The following PCDHGA1 variants were observed in gnomAD, a reference collection of about 807,000 sequenced individuals.
PCDHGA1 encodes the protein protocadherin gamma subfamily A, 1, also known as protocadherin gamma-A1.
PCDHGA1 carries 32 observed loss-of-function variants against 58.0 expected under a neutral mutation model. That is an observed-to-expected ratio of 0.55 (90% CI 0.42 to 0.74). The LOEUF is 0.74. PCDHGA1 is among the 30% of genes least tolerant of loss of function. PCDHGA1 has a pLI of 0.00. For synonymous variants in PCDHGA1, 498 were observed against 501.1 expected, an observed-to-expected ratio of 0.99 and a Z score of 0.08; for missense variants, 1,205 against 1,182.3, an observed-to-expected ratio of 1.02 and a Z score of -0.28.
rs751809555 is a variant in PCDHGA1 at position 141,340,163 on chromosome 5, G to A, written c.2421+7058G>A. The A allele has an allele frequency of 4.3e-6, 7 of 1,614,176 alleles. No homozygotes were observed. In the African/African-American group the frequency reaches 6.7e-5, roughly 15 times the overall value. On this transcript the variant is annotated intron_variant, in intron 1 of 3. Transcript: ENST00000517417. ...TCTTCCTTTTAAGTTAGAAAAGTCA[G>A]TAGACAATTACTACCGACTGGTTAC...
At chr5:141,413,082 A>T in intron 1 of PCDHGA1, 8 of 1,344,446 alleles carry the variant, frequency 6.0e-6, no homozygotes, top group Non-Finnish European at 8.1e-6. Context: ...CCCAGGCTAC[A>T]GAGACACCCT....
chr5:141,374,326 C>A, intron 1 of PCDHGA1: 1 of 1,613,980 alleles, frequency 6.2e-7, no homozygotes, highest in Non-Finnish European at 8.5e-7. Context: ...ATCCGCGAAA[C>A]GGCAGCTTGG....
intron 1 of PCDHGA1, chr5:141,392,852 G>C: frequency 6.2e-7 from 1 of 1,611,984 alleles, no homozygotes; most frequent in East Asian, 2.2e-5. Flanking sequence ...GCGGCGAGCT[G>C]ATCCTGCTGT....
At chr5:141,400,668 G>A in intron 1 of PCDHGA1, 3 of 970,702 alleles carry the variant, frequency 3.1e-6, no homozygotes, top group Non-Finnish European at 4.6e-6. Context: ...TCTTTAAGAG[G>A]AGCAGTAAAT....
At chr5:141,358,140 A>G (rs1292442005) in intron 1 of PCDHGA1, among the ~76,000 whole-genome samples, 1 of 152,232 alleles carries the variant, frequency 6.6e-6, no homozygotes. Flanking sequence ...CAATGAGCTG[A>G]GATCATGACA....
At chr5:141,450,627 C>T (rs947866993) in intron 1 of PCDHGA1, among the ~76,000 whole-genome samples, 13 of 151,592 alleles carry the variant, frequency 8.6e-5, no homozygotes, top group African/African-American at 3.2e-4. Context: ...GCTGGGATTA[C>T]AGATGCCTGC....
intron 2 of PCDHGA1, among the ~76,000 whole-genome samples, chr5:141,495,296 T>TCCTCCAGAG (rs998633800): frequency 1.3e-5 from 2 of 152,054 alleles, no homozygotes; most frequent in Non-Finnish European, 2.9e-5. Flanking sequence ...ACTCAGCGCC[T>TCCTCCAGAG]CCTCCAGAGC....
rs894886972 is a variant in PCDHGA1, at chr5:141,332,094, C to T, written c.1410C>T (p.Ser470=). The change falls in exon 1 of 4, where the codon TCC becomes TCT. Residue 470 remains serine (S), a synonymous_variant. Coordinates refer to ENST00000517417, the MANE Select transcript of PCDHGA1 (RefSeq NM_018912.3). This position sits in a 1 kb window ranked among gnomAD's most constrained non-coding sequence, Gnocchi z 4.6. The part of the protein sequence containing the change: ...YIPENNPRGA[S]IFSVRAHDLD... ...CCGAAAACAACCCCAGAGGAGCCTC[C>T]ATCTTCTCTGTGAGGGCCCACGACT... 5 of 1,614,164 alleles carry T rather than the reference C, an allele frequency of 3.1e-6. No individual in the cohort carries two copies. The highest frequency in any genetic ancestry group is 1.6e-4 in the Middle Eastern group (1 of 6,062).
chr5:141,414,540 C>G, intron 1 of PCDHGA1: 1 of 1,613,948 alleles, frequency 6.2e-7, no homozygotes. Flanking sequence ...ACCCACCTAC[C>G]TTCTCTCAAG....
intron 1 of PCDHGA1, among the ~76,000 whole-genome samples, chr5:141,454,703 A>C (rs933041937): frequency 1.3e-5 from 2 of 150,198 alleles, no homozygotes; most frequent in African/African-American, 4.9e-5. Flanking sequence ...ACCATGCTCC[A>C]CCTGCTTATT....
At chr5:141,454,824 T>C (rs1231148585) in intron 1 of PCDHGA1, among the ~76,000 whole-genome samples, 1 of 127,218 alleles carries the variant, frequency 7.9e-6, no homozygotes, top group African/African-American at 3.3e-5. Flanking sequence ...TTTTTTTTTT[T>C]TGAGACAGAG....
chr5:141,400,302 T>C (rs7701363), intron 1 of PCDHGA1: 17,655 of 1,614,082 alleles, frequency 0.011, 144 homozygotes, highest in Admixed American at 0.034. Flanking sequence ...GCTTCCAACC[T>C]GGTCTCTGTG....
In PCDHGA1 at chr5:141,364,376, C is replaced by T. The variant is rs574883395; in HGVS notation, c.2421+31271C>T. 8.9e-6 allele frequency: 14 copies of T among 1,575,320 alleles called. No individual in the cohort carries two copies. The African/African-American group carries it at 1.4e-4, about 15-fold the overall frequency. ...CTGGGGCTGCGGAGAGCTGCTGCTG[C>T]CCTTCATGCTCCTGGGGACGCTGTG... On this transcript the variant is annotated intron_variant, in intron 1 of 3. Transcript: ENST00000517417.
intron 1 of PCDHGA1, among the ~76,000 whole-genome samples, chr5:141,453,061 T>G (rs1351911724): frequency 6.6e-6 from 1 of 152,102 alleles, no homozygotes; most frequent in Non-Finnish European, 1.5e-5. Context: ...AGTTTTAGAG[T>G]TTTGCCACAC....
rs778960850 is a variant in PCDHGA1, at chr5:141,389,261, G to A, written c.2421+56156G>A. 2.0e-5 allele frequency: 32 copies of A among 1,613,890 alleles called. No homozygotes were observed. The East Asian group carries it at 7.1e-4, about 36-fold the overall frequency. ...CACAGTCTTCCTATATAGTCCACGT[G>A]GCCGAGAACAACCCGCCTGGAGCCT... On this transcript the variant is annotated intron_variant, in intron 1 of 3. Coordinates refer to ENST00000517417, the MANE Select transcript of PCDHGA1 (RefSeq NM_018912.3).
chr5:141,380,834 G>A (rs559775684), intron 1 of PCDHGA1, among the ~76,000 whole-genome samples: 114 of 152,272 alleles, frequency 7.5e-4, no homozygotes, highest in Admixed American at 3.9e-3. Flanking sequence ...TGAGGCATCA[G>A]GTAAAAATGG....
intron 1 of PCDHGA1, among the ~76,000 whole-genome samples, chr5:141,492,482 A>G (rs1339196127): frequency 6.6e-6 from 1 of 152,182 alleles, no homozygotes; most frequent in Non-Finnish European, 1.5e-5. Context: ...GCGGCCGCCC[A>G]GGACCAGGCG....
intron 1 of PCDHGA1, among the ~76,000 whole-genome samples, chr5:141,437,771 A>G (rs971065583): frequency 7.9e-5 from 12 of 151,238 alleles, no homozygotes; most frequent in Admixed American, 6.6e-5. Context: ...CAGAGTCTCA[A>G]TCTGTCGCCA....
In PCDHGA1 at chr5:141,485,576, C is replaced by T. The variant is rs1347032247; in HGVS notation, c.2422-9231C>T. ...GAATGATCACGCCCCCCGTTTTCCG[C>T]GGCAGCAGCTGGACTTGGAAATTGG... On this transcript the variant is annotated intron_variant, in intron 1 of 3. Transcript: ENST00000517417. The surrounding 1 kb of genome is among the most constrained non-coding windows in gnomAD (Gnocchi z 5.7). 21 of 1,612,296 alleles carry T rather than the reference C, an allele frequency of 1.3e-5. 1 individual carries two copies. Among genetic ancestry groups the T allele is most frequent in the Non-Finnish European group, 1.8e-5 (21 of 1,178,636 alleles).
Sources: allele counts gnomAD v4.1 joint callset (sites outside exome capture counted in the v4.1 genomes callset), GRCh38; gene constraint gnomAD v4.1.1; non-coding constraint Gnocchi (gnomAD v3.1); transcripts MANE v1.5; gene names NCBI Gene and HGNC (gene_info 2026-07-23, HGNC 2026-07-21).